Variants in ASIC5 observed in about 807,000 individuals in gnomAD.
ASIC5 encodes acid sensing ion channel subunit family member 5.
In ASIC5, 52 loss-of-function variants were observed where a neutral mutation model predicts 51.2. The ratio of observed to expected loss-of-function variants is 1.02; its 90% CI spans 0.81 to 1.28. The LOEUF (loss-of-function observed/expected upper bound fraction) is 1.28, where lower values mean the gene tolerates loss of function less well. Ranked by LOEUF, ASIC5 falls within the 50% of genes most tolerant of loss-of-function variation. The pLI is 0.00. For synonymous variants in ASIC5, 231 were observed against 200.7 expected, an observed-to-expected ratio of 1.15 and a Z score of -1.28; for missense variants, 635 against 595.0, an observed-to-expected ratio of 1.07 and a Z score of -0.70.
At chr4:155,860,923 C>A (rs7698926) in intron 2 of ASIC5, among the ~76,000 whole-genome samples, 143,262 of 151,850 alleles carry the variant, frequency 0.94, 67,893 homozygotes, top group East Asian at 1. Flanking sequence ...ACTGTTTTAG[C>A]TGCATCTCAA....
chr4:155,834,249 C>A (rs1560739724), intron 8 of ASIC5, among the ~76,000 whole-genome samples: 1 of 152,122 alleles, frequency 6.6e-6, no homozygotes, highest in East Asian at 1.9e-4. Flanking sequence ...GTGGATTGAC[C>A]ATGAAGTAGC....
At chr4:155,845,899 G>T (rs962580439) in intron 4 of ASIC5, among the ~76,000 whole-genome samples, 1 of 151,894 alleles carries the variant, frequency 6.6e-6, no homozygotes, top group Non-Finnish European at 1.5e-5. Flanking sequence ...TGTAAAACAG[G>T]TTATCAAGAA....
At position 155,852,210 on chromosome 4, in the gene ASIC5, A is replaced by C; in HGVS notation, c.692T>G (p.Leu231Ter). The change falls in exon 4 of 10, where the codon TTA becomes TGA. Residue 231 changes from leucine (L) to a stop codon, truncating the protein, a stop_gained. Coordinates refer to ENST00000537611, the MANE Select transcript of ASIC5 (RefSeq NM_017419.3). LOFTEE classifies it high-confidence loss of function. ...KVSVSGRGLSLLFNVNQEAFT... is the reference protein window; with the variant it reads ...KVSVSGRGLS ...CAGTACCTGATTCACATTGAAGAGTAAGCTCAAACCTCTTCCAGAGACACT... is the reference window on the plus strand; with the variant it reads ...CAGTACCTGATTCACATTGAAGAGTCAGCTCAAACCTCTTCCAGAGACACT... The C allele has an allele frequency of 6.2e-7, 1 of 1,611,936 alleles. No individual in the cohort carries two copies. Among genetic ancestry groups the C allele is most frequent in the Non-Finnish European group, 8.5e-7 (1 of 1,178,730 alleles).
chr4:155,843,929 T>A, intron 4 of ASIC5, 99 bp from the exon 5 acceptor site: 1 of 1,021,860 alleles, frequency 9.8e-7, no homozygotes, highest in Non-Finnish European at 1.5e-6. Context: ...AGCGTTTGAC[T>A]AATCCTAAAT....
At position 155,836,879 on chromosome 4, in the gene ASIC5, G is replaced by C. The variant is rs372686242; in HGVS notation, c.1067-22C>G. The C allele has an allele frequency of 8.5e-6, 13 of 1,526,440 alleles. No individual in the cohort carries two copies. The African/African-American group carries it at 1.8e-4, about 21-fold the overall frequency. The allele number at this position is 1,526,440 out of a possible 1,614,324, so 94.6% of individuals were successfully genotyped here. ...TGGTCTGAAATGAAAATCAGGACAG[G>C]GAATTCAGAGAAGAGAAATATTTCA... On this transcript the variant is annotated intron_variant, in intron 7 of 9. Coordinates refer to ENST00000537611, the MANE Select transcript of ASIC5 (RefSeq NM_017419.3).
At chr4:155,839,733 A>AAT (rs61381024) in intron 6 of ASIC5, among the ~76,000 whole-genome samples, 80 of 151,908 alleles carry the variant, frequency 5.3e-4, no homozygotes, top group African/African-American at 1.6e-3. Flanking sequence ...AAAAAAAAAA[A>AAT]CTACCTCCAA....
chr4:155,852,415 C>A, intron 3 of ASIC5, 99 bp from the exon 4 acceptor site: 1 of 965,600 alleles, frequency 1.0e-6, no homozygotes, highest in Non-Finnish European at 1.5e-6. Context: ...AAATACCTAA[C>A]AAGACTGCAG....
intron 7 of ASIC5, among the ~76,000 whole-genome samples, chr4:155,837,740 C>G (rs1157167000): frequency 2.0e-5 from 3 of 151,990 alleles, no homozygotes; most frequent in Non-Finnish European, 2.9e-5. Context: ...TTCTCCTACA[C>G]TCACATGCAC....
At chr4:155,831,757 G>C in intron 9 of ASIC5, 67 bp downstream of exon 9, 1 of 1,073,578 alleles carries the variant, frequency 9.3e-7, no homozygotes, top group South Asian at 1.4e-5. Context: ...CTGGGCTACA[G>C]AGCGAGATTC....
At chr4:155,830,983 T>A (rs902959243) in intron 9 of ASIC5, among the ~76,000 whole-genome samples, 1 of 152,228 alleles carries the variant, frequency 6.6e-6, no homozygotes, top group African/African-American at 2.4e-5. Context: ...TCAGCTGTGA[T>A]GTCTGACTGC....
chr4:155,849,891 A>G (rs1514015), intron 4 of ASIC5, among the ~76,000 whole-genome samples: 148,350 of 152,080 alleles, frequency 0.98, 72,389 homozygotes, highest in East Asian at 1. Context: ...TCAAAGTAAC[A>G]TGGCCTATAT....
chr4:155,859,859 CT>C (rs1741650091), intron 2 of ASIC5, among the ~76,000 whole-genome samples: 1 of 151,954 alleles, frequency 6.6e-6, no homozygotes, highest in Non-Finnish European at 1.5e-5. Context: ...CTCAGGGCTC[CT>C]AACATAGGAA....
chr4:155,844,850 A>G (rs1235469877), intron 4 of ASIC5, among the ~76,000 whole-genome samples: 1 of 152,048 alleles, frequency 6.6e-6, no homozygotes, highest in African/African-American at 2.4e-5. Context: ...CTTAGGGTCT[A>G]ATCTCAGCTG....
intron 2 of ASIC5, among the ~76,000 whole-genome samples, chr4:155,856,914 A>G (rs1166387146): frequency 6.6e-6 from 1 of 152,072 alleles, no homozygotes; most frequent in African/African-American, 2.4e-5. Context: ...CAATGAATAC[A>G]ATCTACAAAA....
chr4:155,844,416 CA>C (rs1478953970), intron 4 of ASIC5, among the ~76,000 whole-genome samples: 3 of 152,104 alleles, frequency 2.0e-5, no homozygotes, highest in African/African-American at 7.2e-5. Flanking sequence ...GAGCAGTTTT[CA>C]GCTTGGGCCC....
chr4:155,840,503 T>C (rs1464158772), intron 6 of ASIC5, among the ~76,000 whole-genome samples: 1 of 148,354 alleles, frequency 6.7e-6, no homozygotes, highest in Non-Finnish European at 1.5e-5. Context: ...ATTTATATTT[T>C]ATATATTTTT....
intron 8 of ASIC5, among the ~76,000 whole-genome samples, chr4:155,832,118 A>G (rs1271440900): frequency 6.6e-6 from 1 of 152,236 alleles, no homozygotes; most frequent in East Asian, 1.9e-4. Flanking sequence ...TTTCCCCAAT[A>G]ATTTTCTGCA....
rs373926357 is a variant in ASIC5, at chr4:155,831,805, G to C, written c.1327+19C>G. 2.1e-6 allele frequency: 3 copies of C among 1,406,934 alleles called. No homozygotes were observed. Among genetic ancestry groups the C allele is most frequent in the Non-Finnish European group, 3.0e-6 (3 of 999,088 alleles). The allele number at this position is 1,406,934 out of a possible 1,614,324, so 87.2% of individuals were successfully genotyped here. Reference sequence around the variant, plus strand: ...AATAAGTAAATAAATAAAATAAGGAGCAATTAAATAACACTTACCAAGTAA... The same window carrying C: ...AATAAGTAAATAAATAAAATAAGGACCAATTAAATAACACTTACCAAGTAA... On this transcript the variant is annotated intron_variant, in intron 9 of 9. Coordinates refer to ENST00000537611, the MANE Select transcript of ASIC5 (RefSeq NM_017419.3).
Position 155,843,702 on chromosome 4 carries a change from C to T in ASIC5, c.840G>A (p.Arg280=), listed in dbSNP as rs368501692. The change falls in exon 5 of 10, where the codon AGG becomes AGA. Residue 280 remains arginine (R), a synonymous_variant. Transcript: ENST00000537611. ...GLLSPVGMHA[R]VTIRQVKTVH... ...TTACCTTCACTTGGCGGATGGTTACCCTTGCGTGCATTCCCACAGGTGACA... is the reference window on the plus strand; with the variant it reads ...TTACCTTCACTTGGCGGATGGTTACTCTTGCGTGCATTCCCACAGGTGACA... 2.0e-5 allele frequency: 33 copies of T among 1,613,332 alleles called. No individual in the cohort carries two copies. In the African/African-American group the frequency reaches 3.5e-4, roughly 17 times the overall value.
Sources: gnomAD v4.1 joint callset for allele counts (sites outside exome capture counted in the v4.1 genomes callset) on GRCh38, gnomAD v4.1.1 for gene constraint, MANE v1.5 for transcripts, NCBI Gene and HGNC (gene_info 2026-07-23, HGNC 2026-07-21) for gene names.